VIT: variants seen among roughly 807,000 people sequenced by gnomAD.
VIT encodes the protein vitrin.
In VIT, 99 loss-of-function variants were observed where a neutral mutation model predicts 78.0. The observed-to-expected ratio is 1.27, with a 90% confidence interval of 1.08 to 1.50. VIT has a LOEUF of 1.50. Among genes scored for constraint, VIT ranks in the 40% most tolerant of loss-of-function variants. The probability of loss-of-function intolerance (pLI) is 0.00; values close to 1 mark genes in which losing one functional copy is unlikely to be tolerated. For missense variants in VIT, 1,126 were observed against 875.3 expected, an observed-to-expected ratio of 1.29 and a Z score of -3.61; for synonymous variants, 374 against 334.3, an observed-to-expected ratio of 1.12 and a Z score of -1.29.
chr2:36,803,764 T>TATA (rs1272056599), intron 13 of VIT, among the ~76,000 whole-genome samples: 2 of 152,198 alleles, frequency 1.3e-5, no homozygotes, highest in African/African-American at 2.4e-5. Context: ...ATGCATTGAG[T>TATA]ATAATACTAC....
At chr2:36,802,516 A>G (rs574122249) in intron 13 of VIT, among the ~76,000 whole-genome samples, 158 of 152,304 alleles carry the variant, frequency 1.0e-3, no homozygotes, top group African/African-American at 3.6e-3. Context: ...GAACATTAGT[A>G]TCTAACACAT....
At chr2:36,723,934 T>TAAGAAAAGAAAAGAAAGAA (rs1666669774) in intron 2 of VIT, among the ~76,000 whole-genome samples, 1 of 74,318 alleles carries the variant, frequency 1.3e-5, no homozygotes, top group African/African-American at 5.4e-5. Flanking sequence ...CTGGGCAAGA[T>TAAGAAAAGAAAAGAAAGAA]AAGAAAAGAA....
chr2:36,708,388 C>T (rs569244784), intron 1 of VIT, among the ~76,000 whole-genome samples: 3 of 152,312 alleles, frequency 2.0e-5, no homozygotes, highest in African/African-American at 4.8e-5. Context: ...CCCGATGTAG[C>T]ATTGTAGATC....
At chr2:36,704,294 T>C (rs1189310926) in intron 1 of VIT, among the ~76,000 whole-genome samples, 3 of 152,308 alleles carry the variant, frequency 2.0e-5, no homozygotes, top group East Asian at 1.9e-4. Flanking sequence ...GCAATAGTCC[T>C]TACCCAATAG....
In VIT at chr2:36,699,062, G is replaced by C. The variant is rs187438787; in HGVS notation, c.-19+2089G>C. On this transcript the variant is annotated intron_variant, in intron 1 of 15. Transcript: ENST00000379242. Reference sequence around the variant, plus strand: ...ATAAAAACTTCATGGCCCCCAACATGTTCCCATGATGCTGTGTCCACATGT... The same window carrying C: ...ATAAAAACTTCATGGCCCCCAACATCTTCCCATGATGCTGTGTCCACATGT... Among the ~76,000 whole-genome samples the C allele has an allele frequency of 9.9e-5, 15 of 151,924 alleles. No individual in the cohort carries two copies. In the East Asian group the frequency reaches 2.3e-3, roughly 24 times the overall value.
intron 6 of VIT, among the ~76,000 whole-genome samples, chr2:36,764,698 G>A (rs1669315397): frequency 6.6e-6 from 1 of 152,282 alleles, no homozygotes; most frequent in South Asian, 2.1e-4. Flanking sequence ...CAGGAATACT[G>A]TTTGCTGACC....
At chr2:36,809,534 C>G (rs1666996622) in intron 15 of VIT, among the ~76,000 whole-genome samples, 1 of 152,214 alleles carries the variant, frequency 6.6e-6, no homozygotes, top group South Asian at 2.1e-4. Context: ...TCTCCTGCCT[C>G]AGCCTCCCAA....
intron 12 of VIT, among the ~76,000 whole-genome samples, chr2:36,799,973 G>A (rs1012899156): frequency 6.6e-6 from 1 of 151,630 alleles, no homozygotes; most frequent in African/African-American, 2.4e-5. Flanking sequence ...ACTTGAACCC[G>A]GGAGGTGGAG....
chr2:36,758,052 C>A (rs1668873174), intron 5 of VIT, among the ~76,000 whole-genome samples: 1 of 152,222 alleles, frequency 6.6e-6, no homozygotes, highest in Non-Finnish European at 1.5e-5. Flanking sequence ...ACCATCTTCG[C>A]ATCCTGTAAA....
At chr2:36,810,035 T>A (rs542361047) in intron 15 of VIT, among the ~76,000 whole-genome samples, 167 of 146,966 alleles carry the variant, frequency 1.1e-3, no homozygotes, top group African/African-American at 4.1e-3. Context: ...CCCACGCCTG[T>A]GATCCCAGCA....
chr2:36,767,798 T>G (rs1558554368), intron 7 of VIT, among the ~76,000 whole-genome samples: 1 of 152,232 alleles, frequency 6.6e-6, no homozygotes, highest in Non-Finnish European at 1.5e-5. Context: ...TCGTACTACA[T>G]CAAATAGGGC....
At chr2:36,778,643 C>T (rs1015659100) in intron 9 of VIT, among the ~76,000 whole-genome samples, 1 of 152,202 alleles carries the variant, frequency 6.6e-6, no homozygotes, top group African/African-American at 2.4e-5. Flanking sequence ...ACGCCCAGGA[C>T]CCCAGACTGT....
At chr2:36,778,663 T>A (rs906806479) in intron 9 of VIT, among the ~76,000 whole-genome samples, 1 of 152,186 alleles carries the variant, frequency 6.6e-6, no homozygotes, top group Non-Finnish European at 1.5e-5. Flanking sequence ...TCCTCAGCCT[T>A]CTCTGAGAGT....
At chr2:36,806,276 G>A (rs1666720715) in intron 14 of VIT, among the ~76,000 whole-genome samples, 1 of 152,144 alleles carries the variant, frequency 6.6e-6, no homozygotes, top group South Asian at 2.1e-4. Context: ...AGCAAGCCTT[G>A]GACAGGTTTG....
intron 3 of VIT, among the ~76,000 whole-genome samples, chr2:36,733,027 C>T (rs1304147179): frequency 6.6e-6 from 1 of 152,140 alleles, no homozygotes. Context: ...AGATGAAAAG[C>T]AAAGAGACAC....
At chr2:36,702,240 G>C (rs1665104803) in intron 1 of VIT, among the ~76,000 whole-genome samples, 1 of 152,034 alleles carries the variant, frequency 6.6e-6, no homozygotes, top group Non-Finnish European at 1.5e-5. Context: ...CAAGCTGAAG[G>C]AGCAGGAAAG....
At chr2:36,751,521 G>A (rs112593004) in intron 4 of VIT, among the ~76,000 whole-genome samples, 2,084 of 152,288 alleles carry the variant, frequency 0.014, 48 homozygotes, top group African/African-American at 0.048. Flanking sequence ...ACTGCTTAGC[G>A]TACAAAGTGA....
chr2:36,792,204 G>A (rs983625580), intron 12 of VIT, among the ~76,000 whole-genome samples: 6 of 152,114 alleles, frequency 3.9e-5, no homozygotes, highest in Non-Finnish European at 5.9e-5. Context: ...ACAGCTCCCC[G>A]TCACCTGCCT....
At position 36,775,012 on chromosome 2, in the gene VIT, G is replaced by A; in HGVS notation, c.747G>A (p.Arg249=). The change falls in exon 9 of 16, where the codon AGG becomes AGA. Residue 249 remains arginine (R), a synonymous_variant. Transcript: ENST00000379242. Reference sequence around the variant, plus strand: ...GTGTAATCCCCTCAGGTATCCAAAGGCAAGATCCTTCAGGAGCTGCCTTCC... The same window carrying A: ...GTGTAATCCCCTCAGGTATCCAAAGACAAGATCCTTCAGGAGCTGCCTTCC... ...NRPRADPGIQ[R]QDPSGAAFQK... 1 of 1,614,150 alleles carries A rather than the reference G, an allele frequency of 6.2e-7. No individual in the cohort carries two copies.
Sources: allele counts gnomAD v4.1 joint callset (sites outside exome capture counted in the v4.1 genomes callset), GRCh38; gene constraint gnomAD v4.1.1; transcripts MANE v1.5; gene names NCBI Gene and HGNC (gene_info 2026-07-23, HGNC 2026-07-21).